Variants in DYNC1LI2 observed in about 807,000 individuals in gnomAD.
The protein encoded by DYNC1LI2 is cytoplasmic dynein 1 light intermediate chain 2.
In DYNC1LI2, 19 loss-of-function variants were observed where a neutral mutation model predicts 57.8. The ratio of observed to expected loss-of-function variants is 0.33; its 90% CI spans 0.23 to 0.48. The LOEUF (loss-of-function observed/expected upper bound fraction) is 0.48. DYNC1LI2 is among the 20% of genes least tolerant of loss of function. DYNC1LI2 has a pLI of 0.99. For synonymous variants in DYNC1LI2, 256 were observed against 233.4 expected, an observed-to-expected ratio of 1.10 and a Z score of -0.88; for missense variants, 470 against 604.2, an observed-to-expected ratio of 0.78 and a Z score of 2.33.
rs191533239 is a variant in DYNC1LI2, at chr16:66,742,727, C to T, written c.299-59G>A. ...CTGACAGTGACCATCAGCATAGCTG[C>T]AGAAACAGACACATCAGGAAGATCT... On this transcript the variant is annotated intron_variant, in intron 3 of 12. Transcript: ENST00000258198. 1.5e-5 allele frequency: 23 copies of T among 1,512,358 alleles called. No homozygotes were observed. In the African/African-American group the frequency reaches 3.0e-4, roughly 20 times the overall value. 93.7% of individuals were successfully genotyped at this position (1,512,358 alleles called of 1,614,324 possible).
rs2017513501 is a variant in DYNC1LI2 at position 66,725,117 on chromosome 16, GTGAGT to G, written c.1378+706_1378+710del. On this transcript the variant is annotated intron_variant, in intron 12 of 12. Coordinates refer to ENST00000258198, the MANE Select transcript of DYNC1LI2 (RefSeq NM_006141.3). The stretch of plus-strand genomic sequence containing the variant: ...TGAACCCGGGTGGTGGAGGTTGGCA[GTGAGT>G]TGAGATCATGCCACTGTACTCCAGC... Among the ~76,000 whole-genome samples the G allele has an allele frequency of 2.0e-5, 3 of 149,244 alleles. No individual in the cohort carries two copies. The South Asian group carries it at 6.4e-4, about 32-fold the overall frequency.
chr16:66,740,669 A>G (rs921415949), intron 4 of DYNC1LI2, among the ~76,000 whole-genome samples: 64 of 152,200 alleles, frequency 4.2e-4, no homozygotes, highest in African/African-American at 1.5e-3. Context: ...TCCTTAAGAG[A>G]CAGCAGCCCC....
chr16:66,750,365 A>G (rs1270717466), intron 2 of DYNC1LI2, among the ~76,000 whole-genome samples: 4 of 152,162 alleles, frequency 2.6e-5, no homozygotes, highest in Non-Finnish European at 5.9e-5. Flanking sequence ...GAAAAATCAG[A>G]GAACTTCAGG....
At chr16:66,749,340 G>T in intron 2 of DYNC1LI2, 27 bp from the exon 3 acceptor site, 1 of 1,608,112 alleles carries the variant, frequency 6.2e-7, no homozygotes, top group Non-Finnish European at 8.5e-7. Context: ...CAAGACAAAG[G>T]TGTACTGTTT....
At chr16:66,725,254 G>A (rs879789357) in intron 12 of DYNC1LI2, among the ~76,000 whole-genome samples, 12 of 151,504 alleles carry the variant, frequency 7.9e-5, no homozygotes, top group Non-Finnish European at 1.8e-4. Flanking sequence ...CAAGATGGAG[G>A]GATCACCTGG....
chr16:66,735,954 A>C (rs2017725628), intron 5 of DYNC1LI2, 121 bp downstream of exon 5: 7 of 1,297,446 alleles, frequency 5.4e-6, no homozygotes, highest in South Asian at 3.0e-5. Flanking sequence ...AATGTACCTT[A>C]ATGAATCTCA....
chr16:66,736,084 C>T lies in DYNC1LI2; in HGVS notation c.690G>A (p.Val230=). The change falls in exon 5 of 13, where the codon GTG becomes GTA. Residue 230 remains valine, a synonymous_variant. Transcript: ENST00000258198. ...ACCCCCTGGCACACACCTTTGTGCA[C>T]ACCACCAACACCGGGATCCCCAGGT... ...THNLGIPVLV[V]CTKCDAVSVL... 1 of 1,614,096 alleles carries T rather than the reference C, an allele frequency of 6.2e-7. No individual in the cohort carries two copies. Among genetic ancestry groups the T allele is most frequent in the Non-Finnish European group, 8.5e-7 (1 of 1,180,002 alleles).
rs758447824 is a variant in DYNC1LI2, at chr16:66,751,360, G to A, written c.108-14C>T. On this transcript the variant is annotated splice_polypyrimidine_tract_variant and intron_variant, in intron 1 of 12. Transcript: ENST00000258198. The surrounding 1 kb of genome is among the most constrained non-coding windows in gnomAD (Gnocchi z 5.2). The stretch of plus-strand genomic sequence containing the variant: ...AGAATGGAGGACCTGTGGCGACAAT[G>A]GCAAGAGTGGTCAGCCCCGGGCCGG... 7.3e-5 allele frequency: 118 copies of A among 1,610,436 alleles called. No homozygotes were observed. Among genetic ancestry groups the A allele is most frequent in the Admixed American group, 6.7e-5 (4 of 59,874 alleles).
At chr16:66,735,826 T>C (rs1434386643) in intron 5 of DYNC1LI2, among the ~76,000 whole-genome samples, 1 of 152,160 alleles carries the variant, frequency 6.6e-6, no homozygotes, top group East Asian at 1.9e-4. Flanking sequence ...AGTTCTAAGT[T>C]TGAAAGTCAA....
At chr16:66,747,087 T>A (rs2017949249) in intron 3 of DYNC1LI2, among the ~76,000 whole-genome samples, 1 of 151,456 alleles carries the variant, frequency 6.6e-6, no homozygotes, top group Admixed American at 6.6e-5. Flanking sequence ...TCAACATTTT[T>A]TTTTTTTTTT....
At chr16:66,745,996 A>G (rs2017929776) in intron 3 of DYNC1LI2, among the ~76,000 whole-genome samples, 1 of 152,190 alleles carries the variant, frequency 6.6e-6, no homozygotes, top group African/African-American at 2.4e-5. Context: ...TCTTTTATTA[A>G]CTTTTTTGTA....
chr16:66,730,327 T>C lies in DYNC1LI2; in HGVS notation c.930-104A>G, dbSNP rs138279679. On this transcript the variant is annotated intron_variant, in intron 7 of 12. Transcript: ENST00000258198. ...TGGGTAGGACACTTCTCACAAGATATAGTGTGTAGTTGTTGGGGGTTGTTT... is the reference window on the plus strand; with the variant it reads ...TGGGTAGGACACTTCTCACAAGATACAGTGTGTAGTTGTTGGGGGTTGTTT... 1,829 of 928,192 alleles carry C rather than the reference T, an allele frequency of 2.0e-3. 4 individuals are homozygous for C. Among genetic ancestry groups the C allele is most frequent in the Admixed American group, 4.3e-3 (150 of 34,510 alleles). The allele number at this position is 928,192 out of a possible 1,614,324, so 57.5% of individuals were successfully genotyped here.
chr16:66,746,909 C>T (rs1295755710), intron 3 of DYNC1LI2, among the ~76,000 whole-genome samples: 3 of 152,166 alleles, frequency 2.0e-5, no homozygotes, highest in Non-Finnish European at 4.4e-5. Flanking sequence ...TCCAAAGCCA[C>T]AGCTCTTTCC....
In DYNC1LI2 at chr16:66,751,265, G is replaced by C. The variant is rs1356909131; in HGVS notation, c.181+8C>G. ...GACCTGGGGCAACGCCCCGCCGCCG[G>C]CGCTCACCGAAGACCAGGATGTTCT... On this transcript the variant is annotated splice_region_variant and intron_variant, in intron 2 of 12. Transcript: ENST00000258198. The surrounding 1 kb of genome is among the most constrained non-coding windows in gnomAD (Gnocchi z 5.2). The C allele has an allele frequency of 1.2e-6, 2 of 1,610,318 alleles. No homozygotes were observed. The highest frequency in any genetic ancestry group is 1.7e-6 in the Non-Finnish European group (2 of 1,178,530).
chr16:66,747,807 G>C (rs1477816858), intron 3 of DYNC1LI2, among the ~76,000 whole-genome samples: 1 of 151,964 alleles, frequency 6.6e-6, no homozygotes, highest in Non-Finnish European at 1.5e-5. Flanking sequence ...CTGATCCCAA[G>C]TGATCCACCC....
At chr16:66,730,333 G>T in intron 7 of DYNC1LI2, 110 bp from the exon 8 acceptor site, 1 of 885,388 alleles carries the variant, frequency 1.1e-6, no homozygotes. Flanking sequence ...GATATAGTGT[G>T]TAGTTGTTGG....
chr16:66,733,853 C>CT (rs1419208693), intron 6 of DYNC1LI2: 1 of 206,320 alleles, frequency 4.8e-6, no homozygotes, highest in Non-Finnish European at 9.9e-6. Flanking sequence ...AGAGCAGACT[C>CT]TGTCTCAGAA....
intron 5 of DYNC1LI2, among the ~76,000 whole-genome samples, chr16:66,735,771 G>A (rs1271998630): frequency 6.6e-6 from 1 of 152,112 alleles, no homozygotes. Context: ...CTCCCAAAGT[G>A]CTGAGATTAC....
rs143472303 is a variant in DYNC1LI2, at chr16:66,751,028, G to C, written c.181+245C>G. On this transcript the variant is annotated intron_variant, in intron 2 of 12. Coordinates refer to ENST00000258198, the MANE Select transcript of DYNC1LI2 (RefSeq NM_006141.3). This position sits in a 1 kb window ranked among gnomAD's most constrained non-coding sequence, Gnocchi z 5.2. ...CCGTCGAGGCAATGAAGGCATAGAG[G>C]GCCAAGTGACTGAAACAATATGCCG... is the stretch of plus-strand genomic sequence containing the variant. Among the ~76,000 whole-genome samples, 1 of 152,134 alleles carries C rather than the reference G, an allele frequency of 6.6e-6. No homozygotes were observed. The highest frequency in any genetic ancestry group is 2.4e-5 in the African/African-American group (1 of 41,440).
Sources: allele counts gnomAD v4.1 joint callset (sites outside exome capture counted in the v4.1 genomes callset), GRCh38; gene constraint gnomAD v4.1.1; non-coding constraint Gnocchi (gnomAD v3.1); transcripts MANE v1.5; gene names NCBI Gene and HGNC (gene_info 2026-07-23, HGNC 2026-07-21).